LYPLAL1: variants seen among roughly 807,000 people sequenced by gnomAD.
LYPLAL1 encodes lysophospholipase-like protein 1.
LYPLAL1 carries 23 observed loss-of-function variants against 19.7 expected under a neutral mutation model. The ratio of observed to expected loss-of-function variants is 1.17; its 90% CI spans 0.84 to 1.65. The LOEUF is 1.65. LYPLAL1 is among the 40% of genes most tolerant of loss of function. The pLI is 0.00. For synonymous variants in LYPLAL1, 119 were observed against 96.3 expected (o/e 1.24, Z -1.38); for missense variants, 355 against 279.4 (o/e 1.27, Z -1.93).
At chr1:219,347,101 A>G in the LYPLAL1 span, among the ~76,000 whole-genome samples, 1 of 152,182 alleles carries the variant, frequency 6.6e-6, no homozygotes, top group African/African-American at 2.4e-5. Flanking sequence ...CATTTCTCTT[A>G]AACTGACATC....
chr1:219,432,980 T>A, the LYPLAL1 span, among the ~76,000 whole-genome samples: 1 of 152,070 alleles, frequency 6.6e-6, no homozygotes, highest in Non-Finnish European at 1.5e-5. Context: ...TTCTCAAGGC[T>A]CAGGAAAGCT....
chr1:219,229,064 T>G, the LYPLAL1 span, among the ~76,000 whole-genome samples: 4 of 151,970 alleles, frequency 2.6e-5, no homozygotes, highest in African/African-American at 4.8e-5. Flanking sequence ...ATTTTATATA[T>G]GAGTAAACTG....
the LYPLAL1 span, among the ~76,000 whole-genome samples, chr1:219,273,542 C>T: frequency 5.9e-5 from 9 of 152,264 alleles, no homozygotes; most frequent in South Asian, 2.1e-4. Context: ...TGGCTAATGA[C>T]GGAGGAGGTG....
chr1:219,441,836 C>A, the LYPLAL1 span, among the ~76,000 whole-genome samples: 1 of 152,104 alleles, frequency 6.6e-6, no homozygotes, highest in African/African-American at 2.4e-5. Context: ...TTATCAGAGC[C>A]TTTGCCATAG....
the LYPLAL1 span, among the ~76,000 whole-genome samples, chr1:219,218,784 T>C: frequency 6.6e-6 from 1 of 152,124 alleles, no homozygotes; most frequent in South Asian, 2.1e-4. Context: ...TGCAATGAAA[T>C]CAGTTCAATT....
the LYPLAL1 span, among the ~76,000 whole-genome samples, chr1:219,439,959 C>CTA: frequency 7.3e-4 from 96 of 131,644 alleles, 1 homozygote; most frequent in African/African-American, 2.3e-3. Context: ...ACAAAACTGA[C>CTA]TATATATATA....
At chr1:219,440,025 A>T in the LYPLAL1 span, among the ~76,000 whole-genome samples, 5 of 123,068 alleles carry the variant, frequency 4.1e-5, 1 homozygote, top group African/African-American at 1.6e-4. Flanking sequence ...ACACACACAC[A>T]TATATATATA....
chr1:219,401,471 AT>A, the LYPLAL1 span, among the ~76,000 whole-genome samples: 1 of 151,410 alleles, frequency 6.6e-6, no homozygotes, highest in Non-Finnish European at 1.5e-5. Flanking sequence ...TAATATTTTT[AT>A]TTTTCTATTT....
At chr1:219,313,311 C>T in the LYPLAL1 span, among the ~76,000 whole-genome samples, 1 of 152,122 alleles carries the variant, frequency 6.6e-6, no homozygotes, top group Admixed American at 6.5e-5. Flanking sequence ...TTGGGTTTGT[C>T]TTAAACAAAT....
chr1:219,356,338 A>G, the LYPLAL1 span, among the ~76,000 whole-genome samples: 1 of 152,102 alleles, frequency 6.6e-6, no homozygotes, highest in South Asian at 2.1e-4. Context: ...TGTCTCTACT[A>G]AAAATACAAA....
At chr1:219,303,908 A>C in the LYPLAL1 span, among the ~76,000 whole-genome samples, 1 of 152,184 alleles carries the variant, frequency 6.6e-6, no homozygotes, top group African/African-American at 2.4e-5. Context: ...CAACCTAGGG[A>C]TATGATTTAT....
the LYPLAL1 span, among the ~76,000 whole-genome samples, chr1:219,289,452 AT>A: frequency 6.6e-6 from 1 of 152,176 alleles, no homozygotes; most frequent in Admixed American, 6.5e-5. Flanking sequence ...AAGAAATCGA[AT>A]TCACAATCCT....
the LYPLAL1 span, among the ~76,000 whole-genome samples, chr1:219,441,148 A>G: frequency 1.3e-5 from 2 of 152,254 alleles, no homozygotes. Flanking sequence ...GAATCTATAC[A>G]TTAAAGGAAA....
chr1:219,380,839 G>T, the LYPLAL1 span, among the ~76,000 whole-genome samples: 2 of 152,160 alleles, frequency 1.3e-5, no homozygotes, highest in Non-Finnish European at 2.9e-5. Flanking sequence ...ACTCGGCCCT[G>T]TTGGTCCTAG....
At chr1:219,314,461 T>C in the LYPLAL1 span, among the ~76,000 whole-genome samples, 2 of 152,232 alleles carry the variant, frequency 1.3e-5, no homozygotes, top group African/African-American at 4.8e-5. Context: ...TTTTTCTTTT[T>C]TGAGATGGAG....
At chr1:219,320,433 T>A in the LYPLAL1 span, among the ~76,000 whole-genome samples, 11 of 152,208 alleles carry the variant, frequency 7.2e-5, no homozygotes, top group African/African-American at 2.2e-4. Context: ...GATCCTTTTT[T>A]AAATTTAATT....
chr1:219,373,337 G>C, the LYPLAL1 span, among the ~76,000 whole-genome samples: 46 of 152,182 alleles, frequency 3.0e-4, no homozygotes, highest in Admixed American at 5.9e-4. Flanking sequence ...AGCTAACGCA[G>C]TATATTGAGT....
the LYPLAL1 span, among the ~76,000 whole-genome samples, chr1:219,429,229 C>G: frequency 6.6e-6 from 1 of 152,140 alleles, no homozygotes; most frequent in Non-Finnish European, 1.5e-5. Flanking sequence ...AGTATGTAGC[C>G]AGCTCGTAAT....
the LYPLAL1 span, among the ~76,000 whole-genome samples, chr1:219,422,767 G>C: frequency 1.3e-5 from 2 of 152,088 alleles, no homozygotes; most frequent in Non-Finnish European, 2.9e-5. Context: ...TTAACTATCT[G>C]TGTGTGTGAA....
Sources: allele counts gnomAD v4.1 joint callset (sites outside exome capture counted in the v4.1 genomes callset), GRCh38; gene constraint gnomAD v4.1.1; transcripts MANE v1.5; gene names NCBI Gene and HGNC (gene_info 2026-07-23, HGNC 2026-07-21).